The following KCNK2 variants were observed in gnomAD, a reference collection of about 807,000 sequenced individuals.
KCNK2 encodes the protein potassium two pore domain channel subfamily K member 2.
A neutral mutation model predicts 40.5 loss-of-function variants in KCNK2; 21 were observed. That is an observed-to-expected ratio of 0.52 (90% CI 0.37 to 0.75). KCNK2 has a LOEUF of 0.75. Ranked by LOEUF, KCNK2 falls within the 30% of genes least tolerant of loss-of-function variation. KCNK2 has a pLI of 0.00. For missense variants in KCNK2, 399 were observed against 531.6 expected (o/e 0.75, Z 2.45); for synonymous variants, 191 against 202.2 (o/e 0.94, Z 0.47).
Position 215,180,529 on chromosome 1 carries a change from G to A in KCNK2, c.823+8346G>A, listed in dbSNP as rs189753581. 3.3e-3 allele frequency among the ~76,000 whole-genome samples: 500 copies of A among 152,190 alleles called. 4 individuals carry two copies. The highest frequency in any genetic ancestry group is 4.6e-3 in the Non-Finnish European group (314 of 68,002). ...TTTTCCATGTTTAGAACTCCCTTAA[G>A]TATCTCCTGTAAGGTTAATGTAGTG... On this transcript the variant is annotated intron_variant, in intron 5 of 6. Transcript: ENST00000444842.
intron 5 of KCNK2, among the ~76,000 whole-genome samples, chr1:215,186,734 T>C (rs2102654799): frequency 6.6e-6 from 1 of 152,308 alleles, no homozygotes; most frequent in East Asian, 1.9e-4. Context: ...TAGTGACTGG[T>C]TACCTTAGTG....
chr1:215,063,671 G>T (rs370168989), intron 1 of KCNK2, among the ~76,000 whole-genome samples: 1 of 152,134 alleles, frequency 6.6e-6, no homozygotes, highest in Non-Finnish European at 1.5e-5. Flanking sequence ...CTCCTCTCTC[G>T]CTCAGACTCC....
intron 6 of KCNK2, among the ~76,000 whole-genome samples, chr1:215,226,592 TGGGATTACA>T: frequency 6.6e-6 from 1 of 152,296 alleles, no homozygotes; most frequent in South Asian, 2.1e-4. Flanking sequence ...CCCAAAGTGC[TGGGATTACA>T]GGCATGAGCC....
intron 6 of KCNK2, among the ~76,000 whole-genome samples, chr1:215,199,698 T>C (rs973607041): frequency 2.0e-5 from 3 of 152,194 alleles, no homozygotes; most frequent in African/African-American, 7.2e-5. Flanking sequence ...GAGGAAATAA[T>C]GTTTCCATTT....
intron 6 of KCNK2, among the ~76,000 whole-genome samples, chr1:215,195,888 CT>C (rs1437714849): frequency 3.9e-5 from 6 of 152,154 alleles, no homozygotes; most frequent in African/African-American, 1.4e-4. Flanking sequence ...AACAACAAAT[CT>C]GTAAAACCTG....
At chr1:215,117,413 T>C (rs1660994171) in intron 2 of KCNK2, among the ~76,000 whole-genome samples, 1 of 152,086 alleles carries the variant, frequency 6.6e-6, no homozygotes, top group South Asian at 2.1e-4. Context: ...TCCTTCACTG[T>C]AGAACTGTAA....
chr1:215,171,904 C>A, intron 4 of KCNK2, 93 bp from the exon 5 acceptor site: 6 of 589,550 alleles, frequency 1.0e-5, no homozygotes, highest in Non-Finnish European at 1.5e-5. Flanking sequence ...CAAGTAATTT[C>A]TCTCTCTCTC....
At chr1:215,032,428 A>G (rs1312247252) in intron 1 of KCNK2, among the ~76,000 whole-genome samples, 1 of 152,050 alleles carries the variant, frequency 6.6e-6, no homozygotes, top group Non-Finnish European at 1.5e-5. Context: ...CAAAAACAAA[A>G]AACAGTAAAC....
At chr1:215,176,775 T>C (rs956205177) in intron 5 of KCNK2, among the ~76,000 whole-genome samples, 2 of 152,186 alleles carry the variant, frequency 1.3e-5, no homozygotes, top group Non-Finnish European at 2.9e-5. Context: ...TCTTTGCTAT[T>C]GTGAATAGTG....
At chr1:215,053,789 A>G (rs1201745496) in intron 1 of KCNK2, among the ~76,000 whole-genome samples, 1 of 152,206 alleles carries the variant, frequency 6.6e-6, no homozygotes, top group African/African-American at 2.4e-5. Flanking sequence ...CAACATGGCA[A>G]AACCCTGTCT....
At chr1:215,192,532 A>G (rs1032752584) in intron 5 of KCNK2, among the ~76,000 whole-genome samples, 2 of 152,218 alleles carry the variant, frequency 1.3e-5, no homozygotes, top group African/African-American at 4.8e-5. Flanking sequence ...TATGTGTTAA[A>G]TGAGTCACAA....
At chr1:215,102,311 G>T (rs949000336) in intron 2 of KCNK2, among the ~76,000 whole-genome samples, 37 of 152,018 alleles carry the variant, frequency 2.4e-4, no homozygotes, top group Middle Eastern at 6.8e-3. Flanking sequence ...ATGTGTGTTT[G>T]TGTCTTAGTT....
intron 6 of KCNK2, among the ~76,000 whole-genome samples, chr1:215,200,225 A>T (rs1002677942): frequency 6.6e-6 from 1 of 152,154 alleles, no homozygotes; most frequent in Non-Finnish European, 1.5e-5. Flanking sequence ...CTGTCCCTGA[A>T]TTTTTATTTC....
At chr1:215,192,311 G>A (rs773187466) in intron 5 of KCNK2, among the ~76,000 whole-genome samples, 9 of 152,128 alleles carry the variant, frequency 5.9e-5, no homozygotes, top group Non-Finnish European at 1.2e-4. Flanking sequence ...CATCTTGAGA[G>A]TGGCAATTTA....
intron 2 of KCNK2, among the ~76,000 whole-genome samples, chr1:215,096,541 G>A (rs1322855816): frequency 6.6e-6 from 1 of 151,864 alleles, no homozygotes; most frequent in African/African-American, 2.4e-5. Flanking sequence ...CAAGGGCTTT[G>A]ACACAGAAGA....
chr1:215,089,330 G>C (rs1382382617), intron 2 of KCNK2, among the ~76,000 whole-genome samples: 1 of 152,126 alleles, frequency 6.6e-6, no homozygotes, highest in Non-Finnish European at 1.5e-5. Context: ...TCAGTGCTGA[G>C]GGGGGAAACA....
At position 215,102,877 on chromosome 1, in the gene KCNK2, G is replaced by A. The variant is rs376658365; in HGVS notation, c.357+16199G>A. On this transcript the variant is annotated intron_variant, in intron 2 of 6. Transcript: ENST00000444842. ...GGCTATGCCATCTGGGTTTGTGGAG[G>A]TACACTCTATGAAGTTCACACAAGG... 6.4e-4 allele frequency among the ~76,000 whole-genome samples: 97 copies of A among 152,064 alleles called. 1 individual carries two copies. The highest frequency in any genetic ancestry group is 2.0e-3 in the African/African-American group (85 of 41,508).
chr1:215,054,865 A>G (rs772610546), intron 1 of KCNK2, among the ~76,000 whole-genome samples: 58 of 152,272 alleles, frequency 3.8e-4, no homozygotes, highest in Middle Eastern at 3.4e-3. Flanking sequence ...TATTCTTCCC[A>G]CAAGGTTTGT....
chr1:215,030,603 T>C lies in KCNK2; in HGVS notation c.34+24648T>C, dbSNP rs1236411525. Among the ~76,000 whole-genome samples the C allele has an allele frequency of 3.3e-5, 5 of 151,976 alleles. No individual in the cohort carries two copies. In the East Asian group the frequency reaches 9.7e-4, roughly 29 times the overall value. On this transcript the variant is annotated intron_variant, in intron 1 of 6. Coordinates refer to the KCNK2 transcript ENST00000391895. ...AGTCTGGAGTGTAGCGGTGTGATCA[T>C]GGATCACTGCAGCTTCGACCTCCCA... is the stretch of plus-strand genomic sequence containing the variant.
Sources: gnomAD v4.1 joint callset for allele counts (sites outside exome capture counted in the v4.1 genomes callset) on GRCh38, gnomAD v4.1.1 for gene constraint, MANE v1.5 for transcripts, NCBI Gene and HGNC (gene_info 2026-07-23, HGNC 2026-07-21) for gene names.